CGNL1: variants seen among roughly 807,000 people sequenced by gnomAD.
CGNL1 encodes cingulin-like protein 1.
Under a neutral mutation model 141.2 loss-of-function variants are expected in CGNL1, and 132 were observed. That is an observed-to-expected ratio of 0.93 (90% confidence interval 0.81 to 1.08). CGNL1 has a LOEUF of 1.08. Ranked by LOEUF, CGNL1 falls within the 50% of genes least tolerant of loss-of-function variation. CGNL1 has a pLI of 0.00. For missense variants in CGNL1, 1,870 were observed against 1,588.6 expected (o/e 1.18, Z -3.01); for synonymous variants, 690 against 622.1 (o/e 1.11, Z -1.63).
intron 8 of CGNL1, among the ~76,000 whole-genome samples, chr15:57,502,226 G>A (rs1440161148): frequency 1.3e-5 from 2 of 152,152 alleles, no homozygotes; most frequent in Non-Finnish European, 2.9e-5. Flanking sequence ...CTCTCGTTTG[G>A]AGGAAGGACA....
At chr15:57,517,388 A>C (rs890674231) in intron 9 of CGNL1, among the ~76,000 whole-genome samples, 8 of 152,190 alleles carry the variant, frequency 5.3e-5, no homozygotes, top group Admixed American at 5.2e-4. Flanking sequence ...GATTTTAACA[A>C]GCCAATTATC....
intron 8 of CGNL1, among the ~76,000 whole-genome samples, chr15:57,512,932 T>A (rs1292627855): frequency 6.7e-6 from 1 of 149,708 alleles, no homozygotes; most frequent in East Asian, 2.1e-4. Context: ...CCAGGTTTCC[T>A]GTAACTTTTG....
rs115929374 is a variant in CGNL1 at position 57,401,694 on chromosome 15, A to T, written c.-16+25127A>T. 6.3e-3 allele frequency among the ~76,000 whole-genome samples: 957 copies of T among 152,288 alleles called. 6 individuals are homozygous for T. Among genetic ancestry groups the T allele is most frequent in the African/African-American group, 0.022 (926 of 41,538 alleles). On this transcript the variant is annotated intron_variant, in intron 1 of 18. Coordinates refer to ENST00000281282, the MANE Select transcript of CGNL1 (RefSeq NM_032866.5). ...TTCTTCTGAACTTAGTAGCACTCCA[A>T]ATTGGCTCATTCTCAAATTTCCTTA...
At chr15:57,473,966 G>A (rs2063618254) in intron 8 of CGNL1, among the ~76,000 whole-genome samples, 1 of 141,176 alleles carries the variant, frequency 7.1e-6, no homozygotes, top group Non-Finnish European at 1.5e-5. Context: ...CTGGAGTGCA[G>A]TGGTGTGATC....
At chr15:57,411,120 C>G (rs891078934) in intron 1 of CGNL1, among the ~76,000 whole-genome samples, 1 of 152,132 alleles carries the variant, frequency 6.6e-6, no homozygotes, top group African/African-American at 2.4e-5. Context: ...CAAAATATGA[C>G]TAAAGAGTGT....
intron 1 of CGNL1, among the ~76,000 whole-genome samples, chr15:57,385,792 G>C (rs148210029): frequency 1.3e-4 from 20 of 152,230 alleles, no homozygotes; most frequent in African/African-American, 4.1e-4. Flanking sequence ...TGGTAGTTAT[G>C]ACTGGGGTGG....
intron 8 of CGNL1, among the ~76,000 whole-genome samples, chr15:57,503,839 A>G (rs2152391797): frequency 6.6e-6 from 1 of 152,220 alleles, no homozygotes; most frequent in South Asian, 2.1e-4. Flanking sequence ...TGAGACTAGG[A>G]TGGGAAAGAC....
intron 8 of CGNL1, among the ~76,000 whole-genome samples, chr15:57,491,974 G>A (rs2063870575): frequency 6.6e-6 from 1 of 152,170 alleles, no homozygotes; most frequent in Non-Finnish European, 1.5e-5. Context: ...AGGAGCCTGA[G>A]GAGCAATGAT....
chr15:57,417,380 T>A (rs1057503569), intron 1 of CGNL1, among the ~76,000 whole-genome samples: 1 of 152,110 alleles, frequency 6.6e-6, no homozygotes, highest in Admixed American at 6.5e-5. Flanking sequence ...ATTACAGGCG[T>A]GTGCCACCAC....
chr15:57,509,293 T>C (rs1272972267), intron 8 of CGNL1, among the ~76,000 whole-genome samples: 12 of 152,180 alleles, frequency 7.9e-5, no homozygotes, highest in Admixed American at 7.9e-4. Context: ...ATTCTCTGGA[T>C]GTCCCGGCCT....
intron 1 of CGNL1, among the ~76,000 whole-genome samples, chr15:57,429,768 G>C (rs1223962616): frequency 6.6e-6 from 1 of 152,154 alleles, no homozygotes; most frequent in Non-Finnish European, 1.5e-5. Flanking sequence ...AACAAAGCCA[G>C]CTTTCTTGTG....
chr15:57,509,564 A>G (rs1364010179), intron 8 of CGNL1, among the ~76,000 whole-genome samples: 1 of 152,152 alleles, frequency 6.6e-6, no homozygotes, highest in African/African-American at 2.4e-5. Context: ...AAATGGGGCC[A>G]TTTATGGTGC....
intron 8 of CGNL1, among the ~76,000 whole-genome samples, chr15:57,487,788 G>A (rs2095005312): frequency 6.6e-6 from 1 of 152,146 alleles, no homozygotes. Context: ...TGCCAGATAG[G>A]CTAAGTGGGG....
intron 8 of CGNL1, among the ~76,000 whole-genome samples, chr15:57,470,357 G>T (rs1329297452): frequency 1.4e-5 from 2 of 145,006 alleles, no homozygotes; most frequent in Non-Finnish European, 3.0e-5. Context: ...AAGAGGTCTA[G>T]AGTGGTGTCC....
intron 12 of CGNL1, among the ~76,000 whole-genome samples, chr15:57,528,086 A>G (rs1446652871): frequency 6.6e-6 from 1 of 152,152 alleles, no homozygotes; most frequent in East Asian, 1.9e-4. Context: ...GTGAAGCTCC[A>G]TCTGTACTAA....
At chr15:57,513,983 T>C (rs1321571597) in intron 8 of CGNL1, among the ~76,000 whole-genome samples, 5 of 152,190 alleles carry the variant, frequency 3.3e-5, no homozygotes, top group Non-Finnish European at 7.3e-5. Context: ...TCCTCTAAAC[T>C]CTCCCCAATA....
At chr15:57,472,979 T>C (rs73421804) in intron 8 of CGNL1, among the ~76,000 whole-genome samples, 2,748 of 152,314 alleles carry the variant, frequency 0.018, 83 homozygotes, top group African/African-American at 0.063. Context: ...GTGGATGTTC[T>C]GAAATCTCTG....
intron 11 of CGNL1, 57 bp downstream of exon 11, chr15:57,523,698 T>C: frequency 1.3e-6 from 2 of 1,587,086 alleles, no homozygotes; most frequent in Non-Finnish European, 8.6e-7. Flanking sequence ...TTGGACCCAG[T>C]CCCCTCTGAG....
chr15:57,520,357 G>T (rs1192387211), intron 10 of CGNL1, among the ~76,000 whole-genome samples: 5 of 152,144 alleles, frequency 3.3e-5, no homozygotes, highest in Non-Finnish European at 5.9e-5. Flanking sequence ...TAGTCCTTGA[G>T]GAAAGAAAAA....
Sources: allele counts gnomAD v4.1 joint callset (sites outside exome capture counted in the v4.1 genomes callset), GRCh38; gene constraint gnomAD v4.1.1; transcripts MANE v1.5; gene names NCBI Gene and HGNC (gene_info 2026-07-23, HGNC 2026-07-21).